The following ANKS1B variants were observed in gnomAD, a reference collection of about 807,000 sequenced individuals.
ANKS1B encodes ankyrin repeat and sterile alpha motif domain-containing protein 1B.
Under a neutral mutation model 148.3 loss-of-function variants are expected in ANKS1B, and 36 were observed. The observed-to-expected ratio is 0.24, with a 90% confidence interval of 0.19 to 0.32. The LOEUF is 0.32. Ranked by LOEUF, ANKS1B falls within the 10% of genes least tolerant of loss-of-function variation. The pLI is 1.00. For synonymous variants in ANKS1B, 542 were observed against 560.8 expected, an observed-to-expected ratio of 0.97 and a Z score of 0.47; for missense variants, 1,157 against 1,542.6, an observed-to-expected ratio of 0.75 and a Z score of 4.19.
chr12:98,958,591 C>T (rs1297460941), intron 17 of ANKS1B, among the ~76,000 whole-genome samples: 1 of 152,154 alleles, frequency 6.6e-6, no homozygotes, highest in Non-Finnish European at 1.5e-5. Context: ...AATACACATA[C>T]CTAAACATTA....
intron 8 of ANKS1B, among the ~76,000 whole-genome samples, chr12:99,656,290 A>G (rs1186570888): frequency 6.6e-6 from 1 of 152,144 alleles, no homozygotes; most frequent in East Asian, 1.9e-4. Context: ...CCCTGTAGAA[A>G]CAGACCTCCT....
chr12:99,710,356 G>C (rs955981734), intron 8 of ANKS1B, among the ~76,000 whole-genome samples: 8 of 152,094 alleles, frequency 5.3e-5, no homozygotes, highest in African/African-American at 1.9e-4. Context: ...CAGCTTTAGG[G>C]TCCATGCCTC....
intron 17 of ANKS1B, among the ~76,000 whole-genome samples, chr12:99,040,794 T>G (rs1223746544): frequency 6.6e-6 from 1 of 152,202 alleles, no homozygotes; most frequent in East Asian, 1.9e-4. Flanking sequence ...CCACCTCCGG[T>G]GTGCTAGAAA....
intron 12 of ANKS1B, among the ~76,000 whole-genome samples, chr12:99,262,105 A>G (rs926253497): frequency 2.6e-5 from 4 of 152,030 alleles, no homozygotes; most frequent in African/African-American, 9.7e-5. Context: ...ACCTTCTTCA[A>G]ATATCTATTC....
chr12:98,894,878 C>T (rs2099761132), intron 17 of ANKS1B: 1 of 970,052 alleles, frequency 1.0e-6, no homozygotes, highest in African/African-American at 1.8e-5. Flanking sequence ...CTCCCCGGGC[C>T]CGCGCGCGCG....
chr12:99,319,263 G>C (rs1245950696), intron 12 of ANKS1B, among the ~76,000 whole-genome samples: 2 of 152,138 alleles, frequency 1.3e-5, no homozygotes, highest in Non-Finnish European at 2.9e-5. Context: ...GTCTAATGTT[G>C]ACAGTGGGGG....
intron 10 of ANKS1B, among the ~76,000 whole-genome samples, chr12:99,456,459 G>A (rs77772488): frequency 0.037 from 5,672 of 152,166 alleles, 369 homozygotes; most frequent in African/African-American, 0.13. Context: ...TCAGAAGGTC[G>A]ACTACTGAGC....
chr12:99,162,455 G>A (rs1174143746), intron 14 of ANKS1B, among the ~76,000 whole-genome samples: 2 of 151,898 alleles, frequency 1.3e-5, no homozygotes, highest in Non-Finnish European at 2.9e-5. Flanking sequence ...ATAAAACATT[G>A]GGGTTGTTTA....
intron 12 of ANKS1B, among the ~76,000 whole-genome samples, chr12:99,305,370 A>G (rs1297885761): frequency 6.6e-6 from 1 of 152,140 alleles, no homozygotes; most frequent in Non-Finnish European, 1.5e-5. Flanking sequence ...TTATTTCATA[A>G]TTATCTGACT....
chr12:98,955,783 G>C (rs1199333632), intron 17 of ANKS1B, among the ~76,000 whole-genome samples: 5 of 152,138 alleles, frequency 3.3e-5, no homozygotes, highest in Non-Finnish European at 2.9e-5. Flanking sequence ...GTCTTTTTTA[G>C]GGAAGATTAG....
At position 99,620,721 on chromosome 12, in the gene ANKS1B, T is replaced by TA. The variant is rs535069336; in HGVS notation, c.1272+34345dup. 5.0e-4 allele frequency among the ~76,000 whole-genome samples: 76 copies of TA among 152,158 alleles called. No individual in the cohort carries two copies. The South Asian group carries it at 0.013, about 27-fold the overall frequency. On this transcript the variant is annotated intron_variant, in intron 9 of 26. Transcript: ENST00000683438. Reference sequence around the variant, plus strand: ...GACAAAAACAAAGAAAAGAGAATTTTAAAAAATGAACAAAGTCTTCAAGAA... The same window carrying TA: ...GACAAAAACAAAGAAAAGAGAATTTTAAAAAAATGAACAAAGTCTTCAAGAA...
At chr12:99,489,120 T>C (rs528024859) in intron 10 of ANKS1B, among the ~76,000 whole-genome samples, 48 of 151,748 alleles carry the variant, frequency 3.2e-4, no homozygotes, top group Non-Finnish European at 6.3e-4. Flanking sequence ...CACGCACCTA[T>C]AATCCCAGCT....
intron 17 of ANKS1B, among the ~76,000 whole-genome samples, chr12:98,962,083 A>G (rs1437529819): frequency 6.6e-6 from 1 of 152,004 alleles, no homozygotes; most frequent in Non-Finnish European, 1.5e-5. Flanking sequence ...CTTATCAGTA[A>G]TAACATTGAA....
At chr12:99,184,576 G>T (rs1482825544) in intron 14 of ANKS1B, among the ~76,000 whole-genome samples, 14 of 152,154 alleles carry the variant, frequency 9.2e-5, no homozygotes, top group Admixed American at 9.2e-4. Context: ...AATAATGCCT[G>T]TTTTGTCTAT....
rs529240176 is a variant in ANKS1B, at chr12:99,069,907, GGA to G, written c.2625+15016_2625+15017del. ...GAAAGCAGTTAAGGGCATAGACTCT[GGA>G]GCCAGCCTGGCCAGTTTCAATCCTG... On this transcript the variant is annotated intron_variant, in intron 16 of 26. Transcript: ENST00000683438. 2.0e-5 allele frequency among the ~76,000 whole-genome samples: 3 copies of G among 152,330 alleles called. No individual in the cohort carries two copies. The South Asian group carries it at 6.2e-4, about 32-fold the overall frequency.
chr12:99,915,225 CAA>C (rs34176071), intron 1 of ANKS1B, among the ~76,000 whole-genome samples: 21 of 101,600 alleles, frequency 2.1e-4, no homozygotes, highest in Admixed American at 2.3e-4. Context: ...AAAGCTGTCT[CAA>C]AAAAAAAAAA....
chr12:99,632,380 A>T (rs1372428346), intron 9 of ANKS1B, among the ~76,000 whole-genome samples: 1 of 151,972 alleles, frequency 6.6e-6, no homozygotes, highest in African/African-American at 2.4e-5. Flanking sequence ...AGCAAGAAAA[A>T]GTGGAAATGT....
chr12:99,177,214 T>C (rs2078505742), intron 14 of ANKS1B, among the ~76,000 whole-genome samples: 1 of 152,340 alleles, frequency 6.6e-6, no homozygotes, highest in South Asian at 2.1e-4. Context: ...TCCATGCCCA[T>C]ACCTCTGTTC....
At chr12:98,812,948 G>A (rs2153634299) in intron 19 of ANKS1B, among the ~76,000 whole-genome samples, 1 of 152,298 alleles carries the variant, frequency 6.6e-6, no homozygotes, top group Admixed American at 6.5e-5. Context: ...GCGACTTAAG[G>A]CAGACCTGTT....
Sources: gnomAD v4.1 joint callset for allele counts (sites outside exome capture counted in the v4.1 genomes callset) on GRCh38, gnomAD v4.1.1 for gene constraint, MANE v1.5 for transcripts, NCBI Gene and HGNC (gene_info 2026-07-23, HGNC 2026-07-21) for gene names.